The following LARGE1 variants were observed in gnomAD, a reference collection of about 807,000 sequenced individuals.
LARGE1 encodes the protein xylosyl- and glucuronyltransferase LARGE1.
In LARGE1, 43 loss-of-function variants were observed where a neutral mutation model predicts 87.6. That is an observed-to-expected ratio of 0.49 (90% CI 0.38 to 0.63). The LOEUF (loss-of-function observed/expected upper bound fraction) is 0.63. LARGE1 is among the 30% of genes least tolerant of loss of function. The probability of loss-of-function intolerance (pLI) is 0.00; values close to 1 mark genes in which losing one functional copy is unlikely to be tolerated. For synonymous variants in LARGE1, 434 were observed against 394.6 expected, an observed-to-expected ratio of 1.10 and a Z score of -1.18; for missense variants, 802 against 1,000.2, an observed-to-expected ratio of 0.80 and a Z score of 2.67.
At chr22:33,177,865 C>T (rs1019182256) in intron 11 of LARGE1, among the ~76,000 whole-genome samples, 1 of 152,140 alleles carries the variant, frequency 6.6e-6, no homozygotes, top group Non-Finnish European at 1.5e-5. Context: ...ATCGTAGGGG[C>T]AGTATTCCTT....
At chr22:33,174,874 C>A (rs775944867) in intron 11 of LARGE1, among the ~76,000 whole-genome samples, 2 of 150,728 alleles carry the variant, frequency 1.3e-5, no homozygotes, top group African/African-American at 4.9e-5. Flanking sequence ...AAAAAATGTC[C>A]GGATTCACAG....
In LARGE1 at chr22:33,495,116, C is replaced by A. The variant is rs191868947; in HGVS notation, c.788-62851G>T. 3.9e-3 allele frequency among the ~76,000 whole-genome samples: 592 copies of A among 151,986 alleles called. 8 individuals are homozygous for A. Among genetic ancestry groups the A allele is most frequent in the Non-Finnish European group, 7.2e-3 (489 of 67,990 alleles). ...CTCTTCCCCACCCACACCCCCACCC[C>A]CCGGACACACAGAGGCCTCCTTTCT... is the stretch of plus-strand genomic sequence containing the variant. On this transcript the variant is annotated intron_variant, in intron 6 of 14. Coordinates refer to ENST00000397394, the MANE Select transcript of LARGE1 (RefSeq NM_133642.5).
intron 7 of LARGE1, among the ~76,000 whole-genome samples, chr22:33,396,364 T>A (rs1291950857): frequency 6.6e-6 from 1 of 152,166 alleles, no homozygotes; most frequent in African/African-American, 2.4e-5. Flanking sequence ...TTTGATCATA[T>A]AAATGAAAAG....
chr22:33,096,284 T>A, the LARGE1 span, among the ~76,000 whole-genome samples: 1 of 151,794 alleles, frequency 6.6e-6, no homozygotes, highest in African/African-American at 2.4e-5. Flanking sequence ...GGCATGGTAG[T>A]GCATGCCTGT....
At chr22:33,810,996 GT>G (rs1601673071) in intron 1 of LARGE1, among the ~76,000 whole-genome samples, 1 of 152,016 alleles carries the variant, frequency 6.6e-6, no homozygotes, top group East Asian at 1.9e-4. Flanking sequence ...TGATTTTTTT[GT>G]TCTATGCGAG....
intron 7 of LARGE1, among the ~76,000 whole-genome samples, chr22:33,394,173 A>G (rs1373354542): frequency 2.0e-5 from 3 of 150,070 alleles, no homozygotes; most frequent in African/African-American, 7.3e-5. Context: ...AGAGAGAAGG[A>G]ACTTAACTTA....
the LARGE1 span, among the ~76,000 whole-genome samples, chr22:33,073,034 T>G: frequency 6.6e-6 from 1 of 152,182 alleles, no homozygotes; most frequent in Non-Finnish European, 1.5e-5. Flanking sequence ...TCATTACAGT[T>G]CATAATTTCC....
chr22:33,643,283 C>T (rs2080502307), intron 3 of LARGE1, among the ~76,000 whole-genome samples: 2 of 152,148 alleles, frequency 1.3e-5, no homozygotes, highest in Admixed American at 1.3e-4. Flanking sequence ...GAACAACATG[C>T]TCCTGAATGA....
At chr22:33,889,277 G>A (rs908513400) in intron 1 of LARGE1, 5 of 152,228 alleles carry the variant, frequency 3.3e-5, no homozygotes, top group Admixed American at 2.6e-4. Context: ...GCAAGTGTAT[G>A]TCTGACAATT....
intron 7 of LARGE1, among the ~76,000 whole-genome samples, chr22:33,406,222 C>T (rs771277625): frequency 2.0e-5 from 3 of 152,102 alleles, no homozygotes; most frequent in Non-Finnish European, 2.9e-5. Context: ...CGGCTCTTCC[C>T]GCCGTGTATA....
rs150122680 is a variant in LARGE1 at position 33,787,976 on chromosome 22, G to A, written c.-82-26418C>T. Among the ~76,000 whole-genome samples, 5 of 152,330 alleles carry A rather than the reference G, an allele frequency of 3.3e-5. No homozygotes were observed. In the East Asian group the frequency reaches 5.8e-4, roughly 18 times the overall value. On this transcript the variant is annotated intron_variant, in intron 1 of 14. Coordinates refer to ENST00000397394, the MANE Select transcript of LARGE1 (RefSeq NM_133642.5). ...GTGGCCAAACACTATAAAGGGATATGAGGATGACAGAGTTCATGAAACCCT... is the reference window on the plus strand; with the variant it reads ...GTGGCCAAACACTATAAAGGGATATAAGGATGACAGAGTTCATGAAACCCT...
intron 11 of LARGE1, among the ~76,000 whole-genome samples, chr22:33,208,585 T>TA (rs1211959276): frequency 1.3e-5 from 2 of 151,688 alleles, no homozygotes; most frequent in South Asian, 2.1e-4. Flanking sequence ...TTTTTTTTTT[T>TA]ATTATACTTT....
At chr22:33,317,927 A>G (rs1601422978) in intron 10 of LARGE1, among the ~76,000 whole-genome samples, 1 of 152,166 alleles carries the variant, frequency 6.6e-6, no homozygotes, top group East Asian at 1.9e-4. Flanking sequence ...AAAATTCAAC[A>G]AACTGTGCAC....
At chr22:33,381,099 C>T (rs773903282) in intron 9 of LARGE1, among the ~76,000 whole-genome samples, 6 of 152,188 alleles carry the variant, frequency 3.9e-5, no homozygotes, top group Non-Finnish European at 5.9e-5. Flanking sequence ...CATGAGAAAA[C>T]ACCATACTGG....
chr22:33,506,638 C>T (rs777304031), intron 6 of LARGE1, among the ~76,000 whole-genome samples: 20 of 152,308 alleles, frequency 1.3e-4, no homozygotes, highest in Middle Eastern at 3.4e-3. Flanking sequence ...CAGTGGCTCA[C>T]GCCTATAATC....
chr22:33,708,515 A>G (rs1236755447), intron 2 of LARGE1, among the ~76,000 whole-genome samples: 1 of 152,122 alleles, frequency 6.6e-6, no homozygotes, highest in East Asian at 1.9e-4. Flanking sequence ...AGAATACCAG[A>G]CTATGGGGCT....
chr22:33,330,313 AAATTT>A (rs773938858), intron 10 of LARGE1, among the ~76,000 whole-genome samples: 6 of 152,092 alleles, frequency 3.9e-5, no homozygotes, highest in African/African-American at 7.2e-5. Flanking sequence ...ATTCTTTTAT[AAATTT>A]AATTTAATTT....
Position 33,719,756 on chromosome 22 carries a change from A to G in LARGE1, c.106+41615T>C, listed in dbSNP as rs2083036416. Among the ~76,000 whole-genome samples, 4 of 152,056 alleles carry G rather than the reference A, an allele frequency of 2.6e-5. No homozygotes were observed. In the South Asian group the frequency reaches 8.3e-4, roughly 32 times the overall value. Reference sequence around the variant, plus strand: ...AGGATGGTCCTGATTTCCTGACCTCATAATCTGCCCGCCTTGGCCTCCCAA... The same window carrying G: ...AGGATGGTCCTGATTTCCTGACCTCGTAATCTGCCCGCCTTGGCCTCCCAA... On this transcript the variant is annotated intron_variant, in intron 2 of 14. Transcript: ENST00000397394.
intron 1 of LARGE1, among the ~76,000 whole-genome samples, chr22:33,911,912 T>C (rs1376302332): frequency 6.6e-6 from 1 of 152,188 alleles, no homozygotes; most frequent in Non-Finnish European, 1.5e-5. Flanking sequence ...AGTCTACTGT[T>C]ACTCACCCAC....
Sources: gnomAD v4.1 joint callset for allele counts (sites outside exome capture counted in the v4.1 genomes callset) on GRCh38, gnomAD v4.1.1 for gene constraint, MANE v1.5 for transcripts, NCBI Gene and HGNC (gene_info 2026-07-23, HGNC 2026-07-21) for gene names.